The following ADAMTSL3 variants were observed in gnomAD, a reference collection of about 807,000 sequenced individuals.
The protein encoded by ADAMTSL3 is ADAMTS-like protein 3.
ADAMTSL3 carries 128 observed loss-of-function variants against 201.7 expected under a neutral mutation model. The ratio of observed to expected loss-of-function variants is 0.63; its 90% CI spans 0.55 to 0.73. The LOEUF is 0.73. Among genes scored for constraint, ADAMTSL3 ranks in the 30% least tolerant of loss-of-function variants. The probability of loss-of-function intolerance (pLI) is 0.00; values close to 1 mark genes in which losing one functional copy is unlikely to be tolerated. For missense variants in ADAMTSL3, 1,990 were observed against 2,119.6 expected (o/e 0.94, Z 1.20); for synonymous variants, 738 against 748.4 (o/e 0.99, Z 0.23).
intron 3 of ADAMTSL3, among the ~76,000 whole-genome samples, chr15:83,725,712 T>C (rs2062163405): frequency 6.6e-6 from 1 of 152,136 alleles, no homozygotes; most frequent in Non-Finnish European, 1.5e-5. Flanking sequence ...ACTGTAGAAG[T>C]ATGCATTTAT....
chr15:83,862,857 G>C (rs2064895271), intron 8 of ADAMTSL3: 1 of 152,156 alleles, frequency 6.6e-6, no homozygotes, highest in Non-Finnish European at 1.5e-5. Flanking sequence ...CTATCAGTGT[G>C]CTGTATTCAG....
chr15:84,035,711 T>A (rs1390775272), intron 28 of ADAMTSL3, among the ~76,000 whole-genome samples: 1 of 152,218 alleles, frequency 6.6e-6, no homozygotes, highest in Non-Finnish European at 1.5e-5. Context: ...TGTGCCCTGA[T>A]AAGGAACCTT....
At chr15:83,853,910 ATC>A in intron 7 of ADAMTSL3, among the ~76,000 whole-genome samples, 1 of 4,282 alleles carries the variant, frequency 2.3e-4, no homozygotes, top group Non-Finnish European at 5.0e-4. Flanking sequence ...CTCTATCTCT[ATC>A]TATCTATCTA....
chr15:83,747,713 C>T (rs1220510411), intron 3 of ADAMTSL3, among the ~76,000 whole-genome samples: 2 of 152,072 alleles, frequency 1.3e-5, no homozygotes, highest in African/African-American at 2.4e-5. Flanking sequence ...TTGTCTACTT[C>T]GTAAGAATGG....
At chr15:83,795,733 A>G (rs958177317) in intron 4 of ADAMTSL3, among the ~76,000 whole-genome samples, 8 of 152,184 alleles carry the variant, frequency 5.3e-5, no homozygotes, top group Non-Finnish European at 1.2e-4. Context: ...CATATATCCT[A>G]TATGATTGTG....
intron 4 of ADAMTSL3, among the ~76,000 whole-genome samples, chr15:83,774,851 C>CTTTT (rs60612296): frequency 7.5e-6 from 1 of 133,806 alleles, no homozygotes; most frequent in Admixed American, 7.5e-5. Context: ...GGGGAGGAGG[C>CTTTT]TTTTTTTTTT....
intron 4 of ADAMTSL3, among the ~76,000 whole-genome samples, chr15:83,792,821 C>G (rs532071191): frequency 4.0e-5 from 6 of 151,738 alleles, no homozygotes; most frequent in East Asian, 1.9e-4. Flanking sequence ...TATGATCCAG[C>G]AGTCTCACTA....
intron 4 of ADAMTSL3, among the ~76,000 whole-genome samples, chr15:83,802,701 G>C (rs970406765): frequency 9.9e-5 from 15 of 152,174 alleles, no homozygotes; most frequent in African/African-American, 3.6e-4. Context: ...TGGGGGAAGA[G>C]GTTGACTATA....
At chr15:83,735,294 C>T (rs574698079) in intron 3 of ADAMTSL3, among the ~76,000 whole-genome samples, 12 of 152,212 alleles carry the variant, frequency 7.9e-5, no homozygotes, top group African/African-American at 2.6e-4. Flanking sequence ...TTTCTAGCAG[C>T]CAACTGGGAG....
intron 3 of ADAMTSL3, among the ~76,000 whole-genome samples, chr15:83,731,451 TTGG>T (rs1382202692): frequency 1.3e-5 from 2 of 151,988 alleles, no homozygotes; most frequent in East Asian, 3.9e-4. Context: ...TTATATGCTG[TTGG>T]TGGGAATGTA....
At chr15:83,823,709 G>A (rs1475988943) in intron 6 of ADAMTSL3, among the ~76,000 whole-genome samples, 2 of 152,124 alleles carry the variant, frequency 1.3e-5, no homozygotes, top group Admixed American at 1.3e-4. Flanking sequence ...TCACACAGCA[G>A]CCAAAGTGAT....
chr15:83,913,795 G>A (rs1166984691), intron 16 of ADAMTSL3, among the ~76,000 whole-genome samples: 1 of 152,168 alleles, frequency 6.6e-6, no homozygotes, highest in African/African-American at 2.4e-5. Context: ...TCCGCACATT[G>A]GGCCAGCACC....
chr15:83,973,190 C>A (rs918550927), intron 20 of ADAMTSL3, among the ~76,000 whole-genome samples: 9 of 152,108 alleles, frequency 5.9e-5, no homozygotes, highest in African/African-American at 2.2e-4. Flanking sequence ...GCATGGTAAC[C>A]CCTTAGACTT....
chr15:83,767,847 C>T (rs1040234397), intron 3 of ADAMTSL3, among the ~76,000 whole-genome samples: 2 of 152,168 alleles, frequency 1.3e-5, no homozygotes, highest in African/African-American at 4.8e-5. Context: ...GCTTACTTGG[C>T]ATTATGGTCG....
chr15:83,897,900 C>G lies in ADAMTSL3; in HGVS notation c.1510C>G (p.Leu504Val), dbSNP rs1394833561. 3.1e-6 allele frequency: 5 copies of G among 1,613,446 alleles called. No homozygotes were observed. Among genetic ancestry groups the G allele is most frequent in the Non-Finnish European group, 4.2e-6 (5 of 1,179,694 alleles). ...CCGAGGGTTACGGTACCGGGTTGTT[C>G]TGTGTATTAACCACCGCGGAGAGCA... ...CGRGLRYRVVLCINHRGEHVG... is the reference protein window; with the variant it reads ...CGRGLRYRVVVCINHRGEHVG... Residue 504 changes from leucine (L) to valine (V), a missense_variant, in exon 14 of 30, where the codon CTG becomes GTG. Coordinates refer to ENST00000286744, the MANE Select transcript of ADAMTSL3 (RefSeq NM_207517.3).
At chr15:84,032,937 T>C (rs959794825) in intron 28 of ADAMTSL3, among the ~76,000 whole-genome samples, 1 of 152,230 alleles carries the variant, frequency 6.6e-6, no homozygotes, top group African/African-American at 2.4e-5. Context: ...GCCAGCAATA[T>C]GTGAGAGTTG....
chr15:83,675,963 T>C (rs984737456), intron 2 of ADAMTSL3, among the ~76,000 whole-genome samples: 1 of 152,182 alleles, frequency 6.6e-6, no homozygotes, highest in African/African-American at 2.4e-5. Flanking sequence ...TATTTGAAGT[T>C]TGCATTTTTT....
At chr15:84,024,272 C>T (rs530476744) in intron 26 of ADAMTSL3, among the ~76,000 whole-genome samples, 33 of 152,188 alleles carry the variant, frequency 2.2e-4, no homozygotes, top group Admixed American at 1.0e-3. Flanking sequence ...AACAAACAAA[C>T]ATACAAGATC....
At chr15:83,718,388 A>G (rs2062048657) in intron 3 of ADAMTSL3, among the ~76,000 whole-genome samples, 1 of 152,142 alleles carries the variant, frequency 6.6e-6, no homozygotes, top group African/African-American at 2.4e-5. Flanking sequence ...TCAGCTTGTC[A>G]ACACTTTTAT....
Sources: gnomAD v4.1 joint callset for allele counts (sites outside exome capture counted in the v4.1 genomes callset) on GRCh38, gnomAD v4.1.1 for gene constraint, MANE v1.5 for transcripts, NCBI Gene and HGNC (gene_info 2026-07-23, HGNC 2026-07-21) for gene names.